Variants in FUBP3 observed in about 807,000 individuals in gnomAD.
The protein encoded by FUBP3 is far upstream element binding protein 3, also known as far upstream element-binding protein 3.
In FUBP3, 28 loss-of-function variants were observed where a neutral mutation model predicts 85.6. The ratio of observed to expected loss-of-function variants is 0.33; its 90% CI spans 0.24 to 0.45. The LOEUF (loss-of-function observed/expected upper bound fraction) is 0.45, where lower values mean the gene tolerates loss of function less well. FUBP3 is among the 20% of genes least tolerant of loss of function. FUBP3 has a pLI of 1.00. For synonymous variants in FUBP3, 271 were observed against 271.4 expected, an observed-to-expected ratio of 1.00 and a Z score of 0.01; for missense variants, 583 against 755.1, an observed-to-expected ratio of 0.77 and a Z score of 2.67.
At chr9:130,623,363 T>C (rs1226181544) in intron 10 of FUBP3, among the ~76,000 whole-genome samples, 1 of 152,202 alleles carries the variant, frequency 6.6e-6, no homozygotes, top group Non-Finnish European at 1.5e-5. Context: ...TTTAGTTCTT[T>C]AATGATACAT....
chr9:130,604,115 G>A (rs141887354), intron 2 of FUBP3, among the ~76,000 whole-genome samples: 89 of 152,252 alleles, frequency 5.8e-4, no homozygotes, highest in East Asian at 1.9e-4. Context: ...GAATTATGCC[G>A]AGTGCCAGAA....
At chr9:130,607,598 C>T (rs1435582761) in intron 2 of FUBP3, among the ~76,000 whole-genome samples, 2 of 152,066 alleles carry the variant, frequency 1.3e-5, no homozygotes, top group Non-Finnish European at 2.9e-5. Flanking sequence ...TTAGTGTGAC[C>T]CCTCCTCATT....
At chr9:130,591,292 A>G (rs1830614234) in intron 1 of FUBP3, among the ~76,000 whole-genome samples, 1 of 152,096 alleles carries the variant, frequency 6.6e-6, no homozygotes, top group Admixed American at 6.5e-5. Context: ...AAAATACAAA[A>G]ATTATCCAGG....
At chr9:130,636,860 C>T (rs1003941608) in intron 18 of FUBP3, among the ~76,000 whole-genome samples, 154 bp from the exon 19 acceptor site, 1 of 152,116 alleles carries the variant, frequency 6.6e-6, no homozygotes. Flanking sequence ...CTCTTCCCTG[C>T]CCCAAGTCCC....
At chr9:130,621,374 T>G (rs1829739569) in intron 9 of FUBP3, among the ~76,000 whole-genome samples, 1 of 152,020 alleles carries the variant, frequency 6.6e-6, no homozygotes, top group Non-Finnish European at 1.5e-5. Context: ...ATTCCTATAG[T>G]CCCAGCTGTT....
At position 130,612,588 on chromosome 9, in the gene FUBP3, G is replaced by A; in HGVS notation, c.274+83G>A. 1 of 885,084 alleles carries A rather than the reference G, an allele frequency of 1.1e-6. No homozygotes were observed. The highest frequency in any genetic ancestry group is 1.9e-6 in the Non-Finnish European group (1 of 531,242). 54.8% of individuals were successfully genotyped at this position (885,084 alleles called of 1,614,324 possible). A position where few individuals can be genotyped will look rare whatever the true frequency, so the allele number is the denominator to read the frequency against. ...TTTTTCTGAGCTGCTTTGCCAGGAT[G>A]TTCTTTTTGTTTTAATCTCTCTTGT... is the stretch of plus-strand genomic sequence containing the variant. On this transcript the variant is annotated intron_variant, in intron 4 of 18. Transcript: ENST00000319725. This position sits in a 1 kb window ranked among gnomAD's most constrained non-coding sequence, Gnocchi z 4.1.
chr9:130,631,619 ACCT>A lies in FUBP3; in HGVS notation c.1343_1345del (p.Pro448del). 6.2e-7 allele frequency: 1 copy of A among 1,612,736 alleles called. No homozygotes were observed. Among genetic ancestry groups the A allele is most frequent in the Non-Finnish European group, 8.5e-7 (1 of 1,178,776 alleles). ...GTCCATTCAGCCAGCCACCTGCCCC[ACCT>A]CATCAAAAGTGAGTCTTTTGCATCA... On this transcript the variant is annotated inframe_deletion, in exon 14 of 19. Coordinates refer to ENST00000319725, the MANE Select transcript of FUBP3 (RefSeq NM_003934.2).
intron 1 of FUBP3, 62 bp downstream of exon 1, chr9:130,579,826 A>C (rs1564183936): frequency 9.8e-7 from 1 of 1,022,128 alleles, no homozygotes; most frequent in Non-Finnish European, 1.3e-6. Context: ...CGGGCGGGGA[A>C]GAGGGGTTCG....
At chr9:130,589,587 A>G (rs1355523431) in intron 1 of FUBP3, among the ~76,000 whole-genome samples, 1 of 148,570 alleles carries the variant, frequency 6.7e-6, no homozygotes, top group Non-Finnish European at 1.5e-5. Flanking sequence ...CAAGTGATCC[A>G]CCAGCCTTGG....
At chr9:130,636,569 C>T (rs1182633282) in intron 18 of FUBP3, among the ~76,000 whole-genome samples, 1 of 152,242 alleles carries the variant, frequency 6.6e-6, no homozygotes, top group East Asian at 1.9e-4. Flanking sequence ...GGCAGGGGGG[C>T]AGAGCCCAGC....
chr9:130,626,431 T>A lies in FUBP3; in HGVS notation c.1043T>A (p.Val348Glu). 3.7e-6 allele frequency: 6 copies of A among 1,614,104 alleles called. No homozygotes were observed. Among genetic ancestry groups the A allele is most frequent in the Non-Finnish European group, 5.1e-6 (6 of 1,180,006 alleles). ...GGTCGTGGCCGTGGCGACTGGAGCGTGGGAGCCCCTGGTGGCGTCCAGGAG... is the reference window on the plus strand; with the variant it reads ...GGTCGTGGCCGTGGCGACTGGAGCGAGGGAGCCCCTGGTGGCGTCCAGGAG... ...GRGRGRGDWSVGAPGGVQEIT... is the reference protein window; with the variant it reads ...GRGRGRGDWSEGAPGGVQEIT... Residue 348 changes from valine to glutamate, a missense_variant, in exon 12 of 19, where the codon GTG (valine) becomes GAG (glutamate). By Grantham distance (121) the Val-to-Glu change is moderately radical (BLOSUM62 -2). This residue lies in a region of FUBP3 where 404 missense variants were observed against 516.8 expected (regional missense o/e 0.78). Transcript: ENST00000319725.
intron 1 of FUBP3, among the ~76,000 whole-genome samples, chr9:130,586,774 G>A (rs528098077): frequency 8.6e-6 from 1 of 116,456 alleles, no homozygotes; most frequent in South Asian, 2.8e-4. Context: ...TTTTTCAGAC[G>A]GAGTCTCGCT....
intron 1 of FUBP3, among the ~76,000 whole-genome samples, chr9:130,580,372 G>A (rs1353714876): frequency 6.6e-6 from 1 of 152,170 alleles, no homozygotes; most frequent in Non-Finnish European, 1.5e-5. Flanking sequence ...TTTACTGTCT[G>A]ACAATGTCGT....
rs149024696 is a variant in FUBP3, at chr9:130,623,858, C to T, written c.975+147C>T. ...ACCAGCAGTTTCTCTACATCAGCCT[C>T]TTTCCTGCCTTCTTGGTATTTTTTT... On this transcript the variant is annotated intron_variant, in intron 11 of 18. Transcript: ENST00000319725. The T allele has an allele frequency of 5.4e-4, 259 of 477,220 alleles. 2 individuals are homozygous for T. Among genetic ancestry groups the T allele is most frequent in the African/African-American group, 4.8e-3 (240 of 49,984 alleles). The allele number at this position is 477,220 out of a possible 1,614,324, so 29.6% of individuals were successfully genotyped here. A position where few individuals can be genotyped will look rare whatever the true frequency, so the allele number is the denominator to read the frequency against.
chr9:130,605,347 G>A (rs182703306), intron 2 of FUBP3, among the ~76,000 whole-genome samples: 3 of 152,216 alleles, frequency 2.0e-5, no homozygotes, highest in Admixed American at 1.3e-4. Flanking sequence ...CCTGGAAGGC[G>A]CTGACTTGTG....
At chr9:130,631,799 G>A in intron 14 of FUBP3, 143 bp from the exon 15 acceptor site, 1 of 814,852 alleles carries the variant, frequency 1.2e-6, no homozygotes, top group African/African-American at 1.7e-5. Context: ...ATCACTCACT[G>A]ACCTCAGCGA....
At chr9:130,618,203 G>T (rs962340890) in intron 8 of FUBP3, among the ~76,000 whole-genome samples, 8 of 152,232 alleles carry the variant, frequency 5.3e-5, no homozygotes, top group African/African-American at 1.9e-4. Flanking sequence ...GACTGTGTGT[G>T]TGCAGAACAT....
At chr9:130,619,952 G>A (rs1220116716) in intron 8 of FUBP3, among the ~76,000 whole-genome samples, 1 of 152,206 alleles carries the variant, frequency 6.6e-6, no homozygotes, top group African/African-American at 2.4e-5. Flanking sequence ...CCTGCCCTCA[G>A]TGGGCGCTCT....
chr9:130,628,128 C>CACACA lies in FUBP3; in HGVS notation c.1117+1623_1117+1624insACACA, dbSNP rs1554745974. ...CGCACACACACACACACACACACAC[C>CACACA]CCCTACCCCTCAGGGCCCATGTGAG... On this transcript the variant is annotated intron_variant, in intron 12 of 18. Coordinates refer to ENST00000319725, the MANE Select transcript of FUBP3 (RefSeq NM_003934.2). 6.2e-4 allele frequency among the ~76,000 whole-genome samples: 87 copies of CACACA among 140,838 alleles called. 2 individuals are homozygous for CACACA. The South Asian group carries it at 0.013, about 21-fold the overall frequency. 92.4% of individuals were successfully genotyped at this position (140,838 alleles called of 152,430 possible).
Sources: allele counts gnomAD v4.1 joint callset (sites outside exome capture counted in the v4.1 genomes callset), GRCh38; gene constraint gnomAD v4.1.1; regional missense constraint gnomAD v4.1.1; non-coding constraint Gnocchi (gnomAD v3.1); transcripts MANE v1.5; gene names NCBI Gene and HGNC (gene_info 2026-07-23, HGNC 2026-07-21).